NEO1: variants seen among roughly 807,000 people sequenced by gnomAD.
NEO1 encodes neogenin.
A neutral mutation model predicts 159.7 loss-of-function variants in NEO1; 63 were observed. The observed-to-expected ratio is 0.39, with a 90% CI of 0.32 to 0.49. The LOEUF (loss-of-function observed/expected upper bound fraction) is 0.49, where lower values mean the gene tolerates loss of function less well. NEO1 is among the 20% of genes least tolerant of loss of function. The pLI is 0.85. For synonymous variants in NEO1, 633 were observed against 662.0 expected (o/e 0.96, Z 0.67); for missense variants, 1,615 against 1,831.0 (o/e 0.88, Z 2.15).
chr15:73,274,765 G>T, intron 21 of NEO1, 41 bp downstream of exon 21: 5 of 1,551,368 alleles, frequency 3.2e-6, no homozygotes, highest in South Asian at 2.4e-5. Context: ...CCTTTCTTTT[G>T]TGACCTATTA....
At chr15:73,184,802 C>T in intron 7 of NEO1, among the ~76,000 whole-genome samples, 1 of 152,042 alleles carries the variant, frequency 6.6e-6, no homozygotes, top group Admixed American at 6.6e-5. Context: ...GTGGTGCATG[C>T]CTGTAATCCC....
Position 73,229,025 on chromosome 15 carries a change from C to CT in NEO1, c.1292-7315dup, listed in dbSNP as rs369680217. 3.3e-3 allele frequency among the ~76,000 whole-genome samples: 506 copies of CT among 152,220 alleles called. 2 individuals are homozygous for CT. Among genetic ancestry groups the CT allele is most frequent in the Non-Finnish European group, 5.2e-3 (354 of 67,978 alleles). ...TACAGTAAATTTTGAAATCCTCCAA[C>CT]TTTTTTTGTTCTTTTTGATAATTGA... On this transcript the variant is annotated intron_variant, in intron 7 of 28. Transcript: ENST00000261908.
At chr15:73,224,244 G>A (rs1364234486) in intron 7 of NEO1, among the ~76,000 whole-genome samples, 1 of 152,124 alleles carries the variant, frequency 6.6e-6, no homozygotes, top group Non-Finnish European at 1.5e-5. Context: ...TCTTTCCTTA[G>A]TCTTAACTGT....
chr15:73,176,012 A>G (rs1303947861), intron 5 of NEO1, among the ~76,000 whole-genome samples: 1 of 152,202 alleles, frequency 6.6e-6, no homozygotes, highest in Non-Finnish European at 1.5e-5. Context: ...CTGACTGAAA[A>G]GGAAAGTTTT....
intron 7 of NEO1, among the ~76,000 whole-genome samples, chr15:73,209,239 G>C (rs1287098470): frequency 1.3e-5 from 2 of 152,142 alleles, no homozygotes; most frequent in African/African-American, 4.8e-5. Flanking sequence ...GACACCATTG[G>C]GAACAACCTG....
chr15:73,087,383 A>T (rs972414411), intron 1 of NEO1, among the ~76,000 whole-genome samples: 1 of 152,140 alleles, frequency 6.6e-6, no homozygotes, highest in Admixed American at 6.5e-5. Context: ...TTTATTTATT[A>T]TATGTAACTG....
At chr15:73,291,522 C>G (rs755837734) in intron 25 of NEO1, among the ~76,000 whole-genome samples, 4 of 152,110 alleles carry the variant, frequency 2.6e-5, no homozygotes, top group Non-Finnish European at 4.4e-5. Flanking sequence ...TTTTAAAACC[C>G]GCATGGCTAC....
rs1382945554 is a variant in NEO1 at position 73,254,723 on chromosome 15, A to C, written c.1986A>C (p.Gln662His). 6.2e-7 allele frequency: 1 copy of C among 1,613,882 alleles called. No homozygotes were observed. The highest frequency in any genetic ancestry group is 1.7e-5 in the Admixed American group (1 of 59,958). ...IHWQPPAPAT[Q>H]NGQITGYKIR... ...GGCAGCCACCTGCTCCAGCCACACA[A>C]AATGGGCAGATTACTGGCTACAAGA... Residue 662 changes from glutamine to histidine, a missense_variant, in exon 13 of 29, where the codon CAA becomes CAC. Physicochemically the swap from Gln to His is conservative, Grantham distance 24. Around this residue, in one of 3 missense-constraint regions of NEO1, gnomAD observed 1,018 missense variants for 1,115.4 expected, o/e 0.91. Transcript: ENST00000261908.
At chr15:73,142,619 G>T (rs985287782) in intron 5 of NEO1, among the ~76,000 whole-genome samples, 20 of 152,096 alleles carry the variant, frequency 1.3e-4, no homozygotes, top group African/African-American at 4.6e-4. Flanking sequence ...AAAGGCAGAG[G>T]ATTTCAGGGG....
chr15:73,066,420 C>T (rs748491826), intron 1 of NEO1, among the ~76,000 whole-genome samples: 4 of 151,012 alleles, frequency 2.6e-5, no homozygotes, highest in African/African-American at 7.3e-5. Context: ...TGTGTGTTCC[C>T]GTAGGAGTTT....
intron 27 of NEO1, among the ~76,000 whole-genome samples, 168 bp from the exon 28 acceptor site, chr15:73,301,153 C>G (rs1361677590): frequency 6.6e-6 from 1 of 152,188 alleles, no homozygotes; most frequent in East Asian, 1.9e-4. Flanking sequence ...CATGAATGCC[C>G]TGCTATCTCC....
intron 16 of NEO1, among the ~76,000 whole-genome samples, chr15:73,267,381 T>C (rs1202822278): frequency 6.6e-6 from 1 of 152,234 alleles, no homozygotes; most frequent in Admixed American, 6.5e-5. Context: ...GTTAGAGTTA[T>C]AAATTTTTTT....
chr15:73,141,395 C>T (rs1022144113), intron 5 of NEO1, among the ~76,000 whole-genome samples: 5 of 152,098 alleles, frequency 3.3e-5, no homozygotes, highest in Non-Finnish European at 5.9e-5. Flanking sequence ...CATGCAGTGA[C>T]GTGAATTAGC....
At chr15:73,070,222 A>C (rs997641769) in intron 1 of NEO1, among the ~76,000 whole-genome samples, 1 of 152,192 alleles carries the variant, frequency 6.6e-6, no homozygotes, top group African/African-American at 2.4e-5. Context: ...TCCTTGCTCA[A>C]ATATGTATTT....
At position 73,162,384 on chromosome 15, in the gene NEO1, TTTG is replaced by T. The variant is rs112258191; in HGVS notation, c.1016-13994_1016-13992del. 2.2e-3 allele frequency: 342 copies of T among 157,304 alleles called. 3 individuals are homozygous for T. The highest frequency in any genetic ancestry group is 5.1e-3 in the South Asian group (27 of 5,322). The allele number at this position is 157,304 out of a possible 1,614,324, so 9.7% of individuals were successfully genotyped here. ...GCCACTATTACTTTATTTATTTTGTTTTGTTGTTGTTGTTGTTGTTGTTGTTGA... is the reference window on the plus strand; with the variant it reads ...GCCACTATTACTTTATTTATTTTGTTTTGTTGTTGTTGTTGTTGTTGTTGA... On this transcript the variant is annotated intron_variant, in intron 5 of 28. Coordinates refer to ENST00000261908, the MANE Select transcript of NEO1 (RefSeq NM_002499.4).
Position 73,260,321 on chromosome 15 carries a change from A to G in NEO1, c.2254A>G (p.Thr752Ala). The G allele has an allele frequency of 1.2e-6, 2 of 1,613,958 alleles. No individual in the cohort carries two copies. Among genetic ancestry groups the G allele is most frequent in the Admixed American group, 1.7e-5 (1 of 60,000 alleles). Residue 752 changes from threonine (T) to alanine (A), a missense_variant, in exon 15 of 29, where the codon ACT becomes GCT. Thr to Ala is a moderately conservative substitution (Grantham distance 58, BLOSUM62 0). Coordinates refer to ENST00000261908, the MANE Select transcript of NEO1 (RefSeq NM_002499.4). Reference sequence around the variant, plus strand: ...CTCTCTTCACGTACGCCCGCTCGTTACTAGCATCGTAGTGAGCTGGACTCC... The same window carrying G: ...CTCTCTTCACGTACGCCCGCTCGTTGCTAGCATCGTAGTGAGCTGGACTCC... ...PSSLHVRPLV[T>A]SIVVSWTPPE... is the part of the protein sequence containing the mutation.
chr15:73,244,488 A>G lies in NEO1; in HGVS notation c.1596A>G (p.Thr532=). ...GESSAPLRVE[T]QPEVQLPGPA... ...GTTCAGCTCCACTGCGAGTAGAAAC[A>G]CAACCTGAGGGTAAGTCTTCCACCT... Residue 532 remains threonine, a synonymous_variant, in exon 9 of 29, where the codon ACA becomes ACG. Coordinates refer to ENST00000261908, the MANE Select transcript of NEO1 (RefSeq NM_002499.4). 1.2e-6 allele frequency: 2 copies of G among 1,613,622 alleles called. No homozygotes were observed. The highest frequency in any genetic ancestry group is 1.7e-6 in the Non-Finnish European group (2 of 1,179,684).
chr15:73,239,098 G>A (rs2150875522), intron 8 of NEO1, among the ~76,000 whole-genome samples: 1 of 152,200 alleles, frequency 6.6e-6, no homozygotes, highest in Non-Finnish European at 1.5e-5. Context: ...ATCCACTTCA[G>A]CCTCCCAAAG....
At chr15:73,111,527 A>G (rs910817607) in intron 1 of NEO1, among the ~76,000 whole-genome samples, 9 of 152,224 alleles carry the variant, frequency 5.9e-5, no homozygotes, top group Non-Finnish European at 1.3e-4. Context: ...CATTTAAAAA[A>G]TGTTTTTCTT....
Sources: allele counts gnomAD v4.1 joint callset (sites outside exome capture counted in the v4.1 genomes callset), GRCh38; gene constraint gnomAD v4.1.1; regional missense constraint gnomAD v4.1.1; transcripts MANE v1.5; gene names NCBI Gene and HGNC (gene_info 2026-07-23, HGNC 2026-07-21).